NCOR2: variants seen among roughly 807,000 people sequenced by gnomAD.
NCOR2 encodes the protein CTG repeat protein 26.
In NCOR2, 81 loss-of-function variants were observed where a neutral mutation model predicts 262.9. The observed-to-expected ratio is 0.31, with a 90% CI of 0.26 to 0.37. The LOEUF (loss-of-function observed/expected upper bound fraction) is 0.37. Among genes scored for constraint, NCOR2 ranks in the 10% least tolerant of loss-of-function variants. The pLI, the probability that NCOR2 is intolerant of heterozygous loss-of-function variation, is 1.00. For missense variants in NCOR2, 3,385 were observed against 3,621.4 expected (o/e 0.93, Z 1.68); for synonymous variants, 1,659 against 1,559.3 (o/e 1.06, Z -1.51).
intron 27 of NCOR2, among the ~76,000 whole-genome samples, 178 bp downstream of exon 29, chr12:124,353,915 G>A (rs535296219): frequency 6.6e-6 from 1 of 152,338 alleles, no homozygotes; most frequent in South Asian, 2.1e-4. Context: ...AGCTGTGCTT[G>A]GCAATCCCAG....
At chr12:124,441,337 G>A (rs2044791005) in intron 7 of NCOR2, among the ~76,000 whole-genome samples, 1 of 152,198 alleles carries the variant, frequency 6.6e-6, no homozygotes, top group Non-Finnish European at 1.5e-5. Flanking sequence ...GGAACAATGT[G>A]AGTGACAACA....
exon 33 of NCOR2, chr12:124,343,205 G>A: frequency 6.2e-7 from 1 of 1,608,788 alleles, no homozygotes; most frequent in South Asian, 1.1e-5. Flanking sequence ...GTCCTGGGAT[G>A]CCTTGCTGGA....
At chr12:124,491,280 T>C (rs1372341754) in intron 1 of NCOR2, among the ~76,000 whole-genome samples, 1 of 152,266 alleles carries the variant, frequency 6.6e-6, no homozygotes, top group Non-Finnish European at 1.5e-5. Flanking sequence ...ATTACATTAT[T>C]GATTATATCA....
intron 17 of NCOR2, among the ~76,000 whole-genome samples, chr12:124,382,819 G>T (rs909530197): frequency 1.3e-5 from 2 of 152,204 alleles, no homozygotes; most frequent in African/African-American, 4.8e-5. Flanking sequence ...CAAGGACCAG[G>T]CACCACCCTT....
chr12:124,350,627 G>A, exon 28 of NCOR2: 1 of 1,614,000 alleles, frequency 6.2e-7, no homozygotes, highest in Admixed American at 1.7e-5. Context: ...CTTCGTAGAT[G>A]ACGTGGCCCT....
At chr12:124,447,777 G>A (rs896591347) in intron 7 of NCOR2, among the ~76,000 whole-genome samples, 2 of 151,554 alleles carry the variant, frequency 1.3e-5, no homozygotes, top group Non-Finnish European at 2.9e-5. Flanking sequence ...GCTCACTGCA[G>A]CCCTGAACTC....
chr12:124,453,834 C>T (rs966508967), intron 6 of NCOR2, among the ~76,000 whole-genome samples: 1 of 152,258 alleles, frequency 6.6e-6, no homozygotes, highest in Admixed American at 6.5e-5. Flanking sequence ...GGCCGTGCCC[C>T]ACCATCTCAG....
At chr12:124,501,062 GCACACACA>G (rs3040848) in intron 1 of NCOR2, among the ~76,000 whole-genome samples, 12,012 of 147,848 alleles carry the variant, frequency 0.081, 564 homozygotes, top group South Asian at 0.09. Context: ...GCGCACGCGC[GCACACACA>G]CACACACACA....
chr12:124,343,050 C>T (rs1566369394), exon 33 of NCOR2: 1 of 1,612,106 alleles, frequency 6.2e-7, no homozygotes, highest in Admixed American at 1.7e-5. Flanking sequence ...GGGTCGAAGG[C>T]CAGGGGGATG....
chr12:124,379,549 G>C (rs573132560), intron 17 of NCOR2, among the ~76,000 whole-genome samples: 3 of 152,202 alleles, frequency 2.0e-5, no homozygotes, highest in Middle Eastern at 3.2e-3. Flanking sequence ...AGACACTGGG[G>C]GGTGCCCACC....
chr12:124,362,397 G>A, intron 21 of NCOR2, 100 bp from the exon 24 acceptor site: 1 of 1,121,574 alleles, frequency 8.9e-7, no homozygotes, highest in Non-Finnish European at 1.2e-6. Flanking sequence ...CCAAGGCCCG[G>A]GAAAGCCAGC....
chr12:124,444,725 G>A, intron 7 of NCOR2, among the ~76,000 whole-genome samples: 1 of 152,068 alleles, frequency 6.6e-6, no homozygotes, highest in East Asian at 1.9e-4. Flanking sequence ...GATACCTTGG[G>A]AAGAGACTGC....
At chr12:124,364,608 C>T (rs902078290) in intron 20 of NCOR2, among the ~76,000 whole-genome samples, 6 of 152,214 alleles carry the variant, frequency 3.9e-5, no homozygotes, top group African/African-American at 1.4e-4. Flanking sequence ...TGGGGTGTGG[C>T]TCCCAAGCTG....
intron 4 of NCOR2, among the ~76,000 whole-genome samples, chr12:124,471,243 C>T (rs1489599561): frequency 2.6e-5 from 4 of 152,236 alleles, no homozygotes; most frequent in African/African-American, 7.2e-5. Context: ...GGCACCTCTT[C>T]CTGGAAGCCT....
chr12:124,511,716 G>T (rs1427160719), intron 1 of NCOR2, among the ~76,000 whole-genome samples: 1 of 152,050 alleles, frequency 6.6e-6, no homozygotes, highest in Admixed American at 6.5e-5. Context: ...CCCCGAATGG[G>T]GCTTCATGCA....
At chr12:124,352,748 CT>C (rs1231730113) in intron 27 of NCOR2, among the ~76,000 whole-genome samples, 2 of 152,232 alleles carry the variant, frequency 1.3e-5, no homozygotes, top group Non-Finnish European at 2.9e-5. Flanking sequence ...CCGGTGGCCC[CT>C]GCTCTTGGGA....
intron 1 of NCOR2, among the ~76,000 whole-genome samples, chr12:124,534,515 T>C (rs978540246): frequency 6.6e-6 from 1 of 151,942 alleles, no homozygotes; most frequent in African/African-American, 2.4e-5. Context: ...ATGCGGTCCA[T>C]CGTTGACCAG....
At chr12:124,412,662 C>T (rs961672581) in intron 13 of NCOR2, among the ~76,000 whole-genome samples, 5 of 152,238 alleles carry the variant, frequency 3.3e-5, no homozygotes, top group Non-Finnish European at 1.5e-5. Context: ...TAGCCCACCT[C>T]GGGCTTAACA....
intron 20 of NCOR2, among the ~76,000 whole-genome samples, chr12:124,370,684 G>A (rs2039427946): frequency 2.0e-5 from 3 of 152,222 alleles, no homozygotes; most frequent in Admixed American, 2.0e-4. Flanking sequence ...GTTCTGGGCT[G>A]GAGGCCTTGA....
Sources: gnomAD v4.1 joint callset for allele counts (sites outside exome capture counted in the v4.1 genomes callset) on GRCh38, gnomAD v4.1.1 for gene constraint, MANE v1.5 for transcripts, NCBI Gene and HGNC (gene_info 2026-07-23, HGNC 2026-07-21) for gene names.